Variants in MYO16 observed in about 807,000 individuals in gnomAD.
MYO16 encodes the protein myosin XVI, also known as unconventional myosin-XVI.
MYO16 carries 94 observed loss-of-function variants against 205.3 expected under a neutral mutation model. The observed-to-expected ratio is 0.46, with a 90% CI of 0.39 to 0.54. The LOEUF (loss-of-function observed/expected upper bound fraction) is 0.54, where lower values mean the gene tolerates loss of function less well. MYO16 is among the 20% of genes least tolerant of loss of function. The probability of loss-of-function intolerance (pLI) is 0.00; values close to 1 mark genes in which losing one functional copy is unlikely to be tolerated. For missense variants in MYO16, 2,315 were observed against 2,387.5 expected, an observed-to-expected ratio of 0.97 and a Z score of 0.63; for synonymous variants, 988 against 954.0, an observed-to-expected ratio of 1.04 and a Z score of -0.66.
intron 27 of MYO16, among the ~76,000 whole-genome samples, chr13:109,080,112 T>C (rs1296319307): frequency 6.6e-6 from 1 of 152,038 alleles, no homozygotes. Flanking sequence ...CCTGACCTCG[T>C]GATCCACCCA....
At chr13:108,533,882 C>A in the MYO16 span, among the ~76,000 whole-genome samples, 120 of 152,214 alleles carry the variant, frequency 7.9e-4, no homozygotes, top group East Asian at 0.019. Context: ...TAGCACCCTG[C>A]AAATGGTTCT....
At chr13:108,943,432 A>G (rs914985879) in intron 16 of MYO16, among the ~76,000 whole-genome samples, 1 of 152,100 alleles carries the variant, frequency 6.6e-6, no homozygotes, top group East Asian at 1.9e-4. Flanking sequence ...TAAAATGTCA[A>G]ATGAACCTTG....
intron 5 of MYO16, among the ~76,000 whole-genome samples, chr13:108,790,803 A>T (rs61616275): frequency 0.34 from 52,235 of 152,132 alleles, 10,181 homozygotes; most frequent in East Asian, 0.63. Context: ...TGTCTTCACA[A>T]CAGGGACCAG....
Position 109,150,549 on chromosome 13 carries a change from G to A in MYO16, c.5164+9173G>A, listed in dbSNP as rs115146372. ...CTTAACATATTAGCTGTAAATCTGCGGCAGCTAGCATGTCAGTCAGACCAG... is the reference window on the plus strand; with the variant it reads ...CTTAACATATTAGCTGTAAATCTGCAGCAGCTAGCATGTCAGTCAGACCAG... On this transcript the variant is annotated intron_variant, in intron 32 of 34. Coordinates refer to ENST00000457511, the MANE Select transcript of MYO16 (RefSeq NM_001198950.3). 5.0e-3 allele frequency among the ~76,000 whole-genome samples: 764 copies of A among 152,210 alleles called. 11 individuals carry two copies. The highest frequency in any genetic ancestry group is 0.017 in the African/African-American group (717 of 41,536).
At chr13:108,715,008 T>C (rs1276860100) in intron 3 of MYO16, among the ~76,000 whole-genome samples, 1 of 152,196 alleles carries the variant, frequency 6.6e-6, no homozygotes, top group Non-Finnish European at 1.5e-5. Flanking sequence ...AGCCGGGTCG[T>C]GTCACTTCTG....
chr13:109,023,938 T>A (rs923872835), intron 23 of MYO16, among the ~76,000 whole-genome samples: 2 of 141,416 alleles, frequency 1.4e-5, no homozygotes, highest in African/African-American at 5.1e-5. Flanking sequence ...ATATAAAATA[T>A]GAATATATGT....
chr13:108,720,406 C>A (rs71435289), intron 3 of MYO16, among the ~76,000 whole-genome samples: 1 of 151,896 alleles, frequency 6.6e-6, no homozygotes, highest in African/African-American at 2.4e-5. Flanking sequence ...CTATTTTGTC[C>A]GCTACTTTTC....
chr13:108,750,574 G>A (rs1240384204), intron 4 of MYO16, among the ~76,000 whole-genome samples: 2 of 150,548 alleles, frequency 1.3e-5, no homozygotes. Flanking sequence ...TTCGAGACTG[G>A]CCTGGCCAAC....
intron 32 of MYO16, among the ~76,000 whole-genome samples, chr13:109,145,178 A>G (rs187579108): frequency 2.2e-4 from 34 of 152,300 alleles, no homozygotes; most frequent in Middle Eastern, 3.4e-3. Context: ...TCACAACACT[A>G]TAAGGCATCT....
At chr13:108,859,917 A>T (rs1281940603) in intron 11 of MYO16, among the ~76,000 whole-genome samples, 1 of 152,160 alleles carries the variant, frequency 6.6e-6, no homozygotes, top group Non-Finnish European at 1.5e-5. Context: ...CAGAGCAATA[A>T]AGCATCGCAT....
intron 27 of MYO16, among the ~76,000 whole-genome samples, chr13:109,084,747 T>A (rs953025241): frequency 2.6e-5 from 4 of 152,072 alleles, no homozygotes; most frequent in East Asian, 1.9e-4. Context: ...CCTTTTTTTT[T>A]ATTCATGCAG....
intron 16 of MYO16, among the ~76,000 whole-genome samples, chr13:108,915,193 A>G (rs1881441798): frequency 6.6e-6 from 1 of 152,214 alleles, no homozygotes; most frequent in South Asian, 2.1e-4. Context: ...GCTGCATGAA[A>G]ACAGTATTTA....
At chr13:108,520,659 A>G in the MYO16 span, among the ~76,000 whole-genome samples, 1 of 152,322 alleles carries the variant, frequency 6.6e-6, no homozygotes, top group Admixed American at 6.5e-5. Context: ...TGAAATGTTC[A>G]TCAGTCTCAG....
intron 33 of MYO16, among the ~76,000 whole-genome samples, chr13:109,175,697 G>C (rs779971046): frequency 6.6e-6 from 1 of 152,176 alleles, no homozygotes; most frequent in Admixed American, 6.5e-5. Context: ...TGGGGAGAAG[G>C]CTGCTACAGT....
intron 3 of MYO16, among the ~76,000 whole-genome samples, chr13:108,716,016 TAC>T (rs928204803): frequency 2.6e-5 from 4 of 151,992 alleles, no homozygotes; most frequent in African/African-American, 9.6e-5. Flanking sequence ...TCTCATAACA[TAC>T]ACTCCTTGCT....
At chr13:108,985,324 A>G (rs36001780) in intron 20 of MYO16, among the ~76,000 whole-genome samples, 14,474 of 152,218 alleles carry the variant, frequency 0.095, 761 homozygotes, top group Middle Eastern at 0.11. Context: ...CCTTGACAAC[A>G]TACATCAGCA....
intron 2 of MYO16, among the ~76,000 whole-genome samples, chr13:108,669,291 G>A (rs1354860286): frequency 6.6e-6 from 1 of 152,096 alleles, no homozygotes; most frequent in Non-Finnish European, 1.5e-5. Context: ...GCAGGAGGAA[G>A]CCTGAGAACT....
chr13:108,666,122 G>A lies in MYO16; in HGVS notation c.265G>A (p.Ala89Thr), dbSNP rs1212716166. 6.2e-7 allele frequency: 1 copy of A among 1,608,926 alleles called. No homozygotes were observed. Among genetic ancestry groups the A allele is most frequent in the Admixed American group, 1.7e-5 (1 of 59,910 alleles). ...HFNLTDMLQD[A>T]IIHHNDKEVL... ...CAACCTCACGGACATGCTACAGGACGCGATTATCCACCACAATGACAAAGA... is the reference window on the plus strand; with the variant it reads ...CAACCTCACGGACATGCTACAGGACACGATTATCCACCACAATGACAAAGA... The change falls in exon 2 of 35, where the codon GCG (alanine) becomes ACG (threonine). Residue 89 changes from alanine to threonine, a missense_variant. By Grantham distance (58) the Ala-to-Thr change is moderately conservative (BLOSUM62 0). Coordinates refer to ENST00000457511, the MANE Select transcript of MYO16 (RefSeq NM_001198950.3).
chr13:108,571,467 C>T, the MYO16 span, among the ~76,000 whole-genome samples: 5 of 152,060 alleles, frequency 3.3e-5, no homozygotes, highest in African/African-American at 1.2e-4. Context: ...ATGAGTATTG[C>T]AGAGAATTCT....
Sources: gnomAD v4.1 joint callset for allele counts (sites outside exome capture counted in the v4.1 genomes callset) on GRCh38, gnomAD v4.1.1 for gene constraint, MANE v1.5 for transcripts, NCBI Gene and HGNC (gene_info 2026-07-23, HGNC 2026-07-21) for gene names.